RASA3: variants seen among roughly 807,000 people sequenced by gnomAD.
RASA3 encodes the protein ras GTPase-activating protein 3.
In RASA3, 73 loss-of-function variants were observed where a neutral mutation model predicts 110.0. That is an observed-to-expected ratio of 0.66 (90% CI 0.55 to 0.81). The LOEUF (loss-of-function observed/expected upper bound fraction) is 0.81, where lower values mean the gene tolerates loss of function less well. Ranked by LOEUF, RASA3 falls within the 30% of genes least tolerant of loss-of-function variation. The pLI, the probability that RASA3 is intolerant of heterozygous loss-of-function variation, is 0.00. For missense variants in RASA3, 976 were observed against 1,113.2 expected, an observed-to-expected ratio of 0.88 and a Z score of 1.75; for synonymous variants, 500 against 451.4, an observed-to-expected ratio of 1.11 and a Z score of -1.37.
chr13:113,990,758 C>T lies in RASA3; in HGVS notation c.2245+1727G>A, dbSNP rs114569327. ...CTGCACATGGGCCTGCACATGTGAG[C>T]GTGTTGTGTTCAACTGCACATGTGT... On this transcript the variant is annotated intron_variant, in intron 22 of 23. Transcript: ENST00000334062. 8.6e-3 allele frequency among the ~76,000 whole-genome samples: 1,312 copies of T among 152,316 alleles called. 23 individuals are homozygous for T. Among genetic ancestry groups the T allele is most frequent in the African/African-American group, 0.029 (1,226 of 41,562 alleles).
intron 9 of RASA3, 117 bp from the exon 10 acceptor site, chr13:114,019,036 A>AC: frequency 2.3e-6 from 3 of 1,330,984 alleles, no homozygotes; most frequent in African/African-American, 1.5e-5. Context: ...ATCCTGTAGG[A>AC]CCCCTCAGAG....
At chr13:114,033,768 G>A (rs1466146491) in intron 4 of RASA3, among the ~76,000 whole-genome samples, 4 of 152,204 alleles carry the variant, frequency 2.6e-5, no homozygotes, top group African/African-American at 7.2e-5. Context: ...TGGGGCCTCC[G>A]CTGCTGTCCT....
chr13:114,001,894 T>C (rs1052953245), intron 18 of RASA3, among the ~76,000 whole-genome samples: 1 of 152,222 alleles, frequency 6.6e-6, no homozygotes, highest in African/African-American at 2.4e-5. Flanking sequence ...CCTGCTGTGG[T>C]AGAAGGCGCC....
intron 1 of RASA3, chr13:114,077,826 T>A (rs2079717271): frequency 1.0e-6 from 1 of 983,956 alleles, no homozygotes; most frequent in Admixed American, 6.2e-5. Flanking sequence ...CTCACTGTCA[T>A]CTGGGGCTGA....
intron 1 of RASA3, among the ~76,000 whole-genome samples, chr13:114,118,186 A>G (rs1206597489): frequency 2.0e-5 from 3 of 152,086 alleles, no homozygotes; most frequent in Admixed American, 1.3e-4. Context: ...ATAACTTGGA[A>G]GGCACAGCCA....
intron 1 of RASA3, among the ~76,000 whole-genome samples, chr13:114,093,680 T>A (rs1165703703): frequency 6.6e-6 from 1 of 152,144 alleles, no homozygotes; most frequent in Admixed American, 6.5e-5. Flanking sequence ...TTAACTCTGA[T>A]AGCTTGAATA....
intron 22 of RASA3, among the ~76,000 whole-genome samples, chr13:113,989,167 T>TCATCACTCACCCTGTCCTCCACC (rs2053041840): frequency 1.1e-5 from 1 of 92,282 alleles, no homozygotes; most frequent in Non-Finnish European, 2.2e-5. Flanking sequence ...GTCCATCCTC[T>TCATCACTCACCCTGTCCTCCACC]CATCACTCAC....
In RASA3 at chr13:114,042,707, C is replaced by T. The variant is rs571943351; in HGVS notation, c.278-1613G>A. Among the ~76,000 whole-genome samples the T allele has an allele frequency of 2.6e-5, 4 of 152,322 alleles. No individual in the cohort carries two copies. The East Asian group carries it at 7.7e-4, about 29-fold the overall frequency. ...TCCAAGGAAGATCCTTTTATATTTC[C>T]GTGTCTCAAAAAACTTCCGCAGGCT... is the stretch of plus-strand genomic sequence containing the variant. On this transcript the variant is annotated intron_variant, in intron 3 of 23. Transcript: ENST00000334062.
At position 114,048,825 on chromosome 13, in the gene RASA3, C is replaced by T. The variant is rs993682050; in HGVS notation, c.277+3227G>A. 5.3e-5 allele frequency among the ~76,000 whole-genome samples: 8 copies of T among 152,066 alleles called. No individual in the cohort carries two copies. The highest frequency in any genetic ancestry group is 1.9e-4 in the African/African-American group (8 of 41,438). On this transcript the variant is annotated intron_variant, in intron 3 of 23. Transcript: ENST00000334062. The surrounding 1 kb of genome is among the most constrained non-coding windows in gnomAD (Gnocchi z 4.3). Reference sequence around the variant, plus strand: ...GACCCGCCGACACTGGACACTTCTCCTGCTCCTGCTGTGGCGGGAGCTGAC... The same window carrying T: ...GACCCGCCGACACTGGACACTTCTCTTGCTCCTGCTGTGGCGGGAGCTGAC...
At chr13:114,059,719 G>A (rs1166843033) in intron 2 of RASA3, among the ~76,000 whole-genome samples, 1 of 152,220 alleles carries the variant, frequency 6.6e-6, no homozygotes, top group Non-Finnish European at 1.5e-5. Context: ...CACATGGCAG[G>A]GCCTCCCACA....
chr13:114,000,045 G>C (rs1213231645), intron 19 of RASA3, among the ~76,000 whole-genome samples: 1 of 50,126 alleles, frequency 2.0e-5, no homozygotes, highest in East Asian at 8.1e-4. Context: ...GTCTCTGCTG[G>C]GGGGTTCTCT....
rs965343209 is a variant in RASA3, at chr13:114,057,039, G to A, written c.174-4884C>T. Among the ~76,000 whole-genome samples the A allele has an allele frequency of 4.1e-4, 63 of 152,134 alleles. No individual in the cohort carries two copies. Among genetic ancestry groups the A allele is most frequent in the African/African-American group, 1.4e-3 (60 of 41,410 alleles). ...GTCCCCCCTCCTGAAGAAGGGGAAC[G>A]TCACACTCACAGTTCCATTTTACAC... is the stretch of plus-strand genomic sequence containing the variant. On this transcript the variant is annotated intron_variant, in intron 2 of 23. Transcript: ENST00000334062. The surrounding 1 kb of genome is among the most constrained non-coding windows in gnomAD (Gnocchi z 5.0).
rs189230497 is a variant in RASA3 at position 114,016,402 on chromosome 13, C to T, written c.1207-131G>A. 427 of 699,868 alleles carry T rather than the reference C, an allele frequency of 6.1e-4. 1 individual carries two copies. Among genetic ancestry groups the T allele is most frequent in the African/African-American group, 5.4e-3 (305 of 56,222 alleles). 43.4% of individuals were successfully genotyped at this position (699,868 alleles called of 1,614,324 possible). On this transcript the variant is annotated intron_variant, in intron 12 of 23. Transcript: ENST00000334062. ...TCCAGAAAATGCCACGACAGCTCCCCGAACCCGGCCACTGGCACGGAGGGG... is the reference window on the plus strand; with the variant it reads ...TCCAGAAAATGCCACGACAGCTCCCTGAACCCGGCCACTGGCACGGAGGGG...
intron 1 of RASA3, among the ~76,000 whole-genome samples, chr13:114,125,660 C>T (rs991911789): frequency 1.3e-5 from 2 of 152,182 alleles, no homozygotes; most frequent in Admixed American, 1.3e-4. Context: ...GCTATTTGCT[C>T]ACTCAGCCAC....
chr13:114,092,544 CG>C (rs2079900770), intron 1 of RASA3, among the ~76,000 whole-genome samples: 1 of 152,036 alleles, frequency 6.6e-6, no homozygotes, highest in African/African-American at 2.4e-5. Flanking sequence ...ATAATTTTGA[CG>C]TTTTTTAATT....
chr13:114,078,754 C>A (rs990645981), intron 1 of RASA3, among the ~76,000 whole-genome samples: 1 of 152,262 alleles, frequency 6.6e-6, no homozygotes, highest in Non-Finnish European at 1.5e-5. Context: ...CCTTCTGGGC[C>A]ATGGAGGGAA....
intron 12 of RASA3, 32 bp downstream of exon 12, chr13:114,017,205 G>T (rs200050527): frequency 1.3e-6 from 2 of 1,574,718 alleles, no homozygotes; most frequent in African/African-American, 2.7e-5. Context: ...CCCACGCCTC[G>T]TGAGGCTGAG....
At position 114,029,868 on chromosome 13, in the gene RASA3, A is replaced by G; in HGVS notation, c.392T>C (p.Leu131Pro). ...SEVQGKVHLE[L>P]RLSEVITDTG... Reference sequence around the variant, plus strand: ...GTCTGTGATGACCTCGCTCAGCCGCAGCTCCAGGTGCACTTTGCCCTGCAA... The same window carrying G: ...GTCTGTGATGACCTCGCTCAGCCGCGGCTCCAGGTGCACTTTGCCCTGCAA... Residue 131 changes from leucine (L) to proline (P), a missense_variant, in exon 5 of 24, where the codon CTG becomes CCG. Physicochemically the swap from Leu to Pro is moderately conservative, Grantham distance 98. This residue lies in a region of RASA3 where 732 missense variants were observed against 779.7 expected (regional missense o/e 0.94). Transcript: ENST00000334062. 6.4e-7 allele frequency: 1 copy of G among 1,566,512 alleles called. No individual in the cohort carries two copies. Among genetic ancestry groups the G allele is most frequent in the East Asian group, 2.4e-5 (1 of 41,950 alleles).
intron 2 of RASA3, among the ~76,000 whole-genome samples, chr13:114,068,324 C>G (rs1443089775): frequency 6.6e-6 from 1 of 152,256 alleles, no homozygotes; most frequent in Admixed American, 6.5e-5. Context: ...CCTCCCTGAG[C>G]CAGGACTGTC....
Sources: allele counts gnomAD v4.1 joint callset (sites outside exome capture counted in the v4.1 genomes callset), GRCh38; gene constraint gnomAD v4.1.1; regional missense constraint gnomAD v4.1.1; non-coding constraint Gnocchi (gnomAD v3.1); transcripts MANE v1.5; gene names NCBI Gene and HGNC (gene_info 2026-07-23, HGNC 2026-07-21).